LPP: variants seen among roughly 807,000 people sequenced by gnomAD.
The protein encoded by LPP is LIM domain containing preferred translocation partner in lipoma.
A neutral mutation model predicts 60.4 loss-of-function variants in LPP; 38 were observed. The observed-to-expected ratio is 0.63, with a 90% confidence interval of 0.49 to 0.83. LPP has a LOEUF of 0.83. Among genes scored for constraint, LPP ranks in the 40% least tolerant of loss-of-function variants. The pLI is 0.00. For missense variants in LPP, 902 were observed against 783.6 expected, an observed-to-expected ratio of 1.15 and a Z score of -1.80; for synonymous variants, 328 against 290.8, an observed-to-expected ratio of 1.13 and a Z score of -1.30.
chr3:188,276,133 C>G (rs889763361), intron 2 of LPP, among the ~76,000 whole-genome samples: 1 of 152,216 alleles, frequency 6.6e-6, no homozygotes, highest in Admixed American at 6.5e-5. Context: ...ACAGCTCTTT[C>G]ATTCTGTCCT....
At chr3:188,245,153 C>T (rs1039808551) in intron 2 of LPP, among the ~76,000 whole-genome samples, 1 of 152,064 alleles carries the variant, frequency 6.6e-6, no homozygotes, top group Non-Finnish European at 1.5e-5. Context: ...TGCTCTGTCA[C>T]CCAGGCTGGA....
At chr3:188,520,776 T>C (rs539168037) in intron 5 of LPP, among the ~76,000 whole-genome samples, 41 of 152,288 alleles carry the variant, frequency 2.7e-4, no homozygotes, top group Non-Finnish European at 2.4e-4. Flanking sequence ...TATAATTACA[T>C]TAACTACTTT....
chr3:188,249,332 G>A (rs1291267236), intron 2 of LPP, among the ~76,000 whole-genome samples: 1 of 151,964 alleles, frequency 6.6e-6, no homozygotes, highest in African/African-American at 2.4e-5. Context: ...GGGACATCAA[G>A]GCTGCCGTGA....
intron 5 of LPP, among the ~76,000 whole-genome samples, chr3:188,520,023 G>T (rs992688462): frequency 6.6e-6 from 1 of 152,188 alleles, no homozygotes; most frequent in East Asian, 1.9e-4. Context: ...GTACATTTTG[G>T]TTCTGGGCTA....
intron 9 of LPP, among the ~76,000 whole-genome samples, chr3:188,840,274 A>G (rs570376124): frequency 9.8e-5 from 15 of 152,324 alleles, no homozygotes; most frequent in Admixed American, 7.8e-4. Context: ...TGGGAATTCA[A>G]CAGAGAATTT....
chr3:188,653,130 A>G (rs1468092970), intron 7 of LPP, among the ~76,000 whole-genome samples: 7 of 152,370 alleles, frequency 4.6e-5, no homozygotes, highest in South Asian at 2.1e-4. Flanking sequence ...ATTATAAAGC[A>G]TAGAGGTTGA....
rs1249360428 is a variant in LPP at position 188,407,521 on chromosome 3, C to T, written c.193+1208C>T. ...TTCCTCAGAAAGTACAAGAACGAGACCCTCAGAAAGCTGCTCTTGAAAAAC... is the reference window on the plus strand; with the variant it reads ...TTCCTCAGAAAGTACAAGAACGAGATCCTCAGAAAGCTGCTCTTGAAAAAC... On this transcript the variant is annotated intron_variant, in intron 4 of 11. Coordinates refer to ENST00000617246, the MANE Select transcript of LPP (RefSeq NM_001375462.1). Among the ~76,000 whole-genome samples, 5 of 152,178 alleles carry T rather than the reference C, an allele frequency of 3.3e-5. No homozygotes were observed. In the South Asian group the frequency reaches 1.0e-3, roughly 32 times the overall value.
At chr3:188,210,667 C>T (rs1473425205) in intron 1 of LPP, among the ~76,000 whole-genome samples, 2 of 152,064 alleles carry the variant, frequency 1.3e-5, no homozygotes, top group African/African-American at 2.4e-5. Context: ...ATGGAGGGTA[C>T]GTTTAAAATA....
chr3:188,462,288 T>C (rs1367426831), intron 4 of LPP, among the ~76,000 whole-genome samples: 2 of 151,496 alleles, frequency 1.3e-5, no homozygotes, highest in African/African-American at 4.8e-5. Flanking sequence ...GAAACAGAGA[T>C]ACTAACTAAT....
intron 7 of LPP, among the ~76,000 whole-genome samples, chr3:188,685,631 A>G (rs558283543): frequency 2.9e-4 from 44 of 152,272 alleles, no homozygotes; most frequent in Non-Finnish European, 5.1e-4. Context: ...TCAGAAAGCT[A>G]ACTGCTAAAC....
intron 4 of LPP, among the ~76,000 whole-genome samples, chr3:188,467,487 A>T (rs1800771417): frequency 6.6e-6 from 1 of 152,102 alleles, no homozygotes; most frequent in East Asian, 1.9e-4. Context: ...GCAGAATAAT[A>T]GCCCTCAAAG....
intron 1 of LPP, among the ~76,000 whole-genome samples, chr3:188,183,417 G>T (rs550525838): frequency 1.3e-5 from 2 of 152,276 alleles, no homozygotes; most frequent in South Asian, 2.1e-4. Context: ...GTAAAGGCAG[G>T]TGTGAAAGAA....
chr3:188,649,654 GT>G (rs5855215), intron 7 of LPP, among the ~76,000 whole-genome samples: 145,187 of 151,960 alleles, frequency 0.96, 69,674 homozygotes, highest in East Asian at 1. Flanking sequence ...AGTTGTGAAG[GT>G]TTTTTTTTAT....
chr3:188,591,678 ATTTT>A (rs546584695), intron 6 of LPP, among the ~76,000 whole-genome samples: 1 of 152,022 alleles, frequency 6.6e-6, no homozygotes, highest in Non-Finnish European at 1.5e-5. Context: ...CCAGATTAAT[ATTTT>A]TTTCAACACA....
intron 2 of LPP, among the ~76,000 whole-genome samples, chr3:188,271,706 T>C (rs1306638658): frequency 6.6e-6 from 1 of 152,216 alleles, no homozygotes; most frequent in Non-Finnish European, 1.5e-5. Context: ...TTCTGCTTCT[T>C]TGGGAGAGGG....
intron 6 of LPP, among the ~76,000 whole-genome samples, chr3:188,593,732 T>C (rs187121217): frequency 6.6e-6 from 1 of 152,328 alleles, no homozygotes; most frequent in East Asian, 1.9e-4. Context: ...CTTAGAATAA[T>C]AGTCTCTAAT....
chr3:188,559,497 T>C (rs1830200252), intron 6 of LPP, among the ~76,000 whole-genome samples: 1 of 152,088 alleles, frequency 6.6e-6, no homozygotes, highest in Non-Finnish European at 1.5e-5. Flanking sequence ...ATAAGAGCTC[T>C]AGTTATATGA....
At chr3:188,373,993 G>T (rs1451955779) in intron 3 of LPP, among the ~76,000 whole-genome samples, 2 of 152,116 alleles carry the variant, frequency 1.3e-5, no homozygotes, top group African/African-American at 4.8e-5. Flanking sequence ...GTTTTTGTCA[G>T]GTTTGTCAAA....
intron 2 of LPP, among the ~76,000 whole-genome samples, chr3:188,321,574 G>A (rs974896534): frequency 1.4e-4 from 21 of 152,056 alleles, no homozygotes; most frequent in Admixed American, 3.9e-4. Context: ...AGAAGAATTG[G>A]CTCATTTTAT....
Sources: gnomAD v4.1 joint callset for allele counts (sites outside exome capture counted in the v4.1 genomes callset) on GRCh38, gnomAD v4.1.1 for gene constraint, MANE v1.5 for transcripts, NCBI Gene and HGNC (gene_info 2026-07-23, HGNC 2026-07-21) for gene names.